ZBTB11: variants seen among roughly 807,000 people sequenced by gnomAD.
The protein encoded by ZBTB11 is zinc finger and BTB domain-containing protein 11.
A neutral mutation model predicts 113.1 loss-of-function variants in ZBTB11; 68 were observed. That is an observed-to-expected ratio of 0.60 (90% CI 0.49 to 0.74). The LOEUF is 0.74. Ranked by LOEUF, ZBTB11 falls within the 30% of genes least tolerant of loss-of-function variation. The pLI, the probability that ZBTB11 is intolerant of heterozygous loss-of-function variation, is 0.00. For synonymous variants in ZBTB11, 518 were observed against 452.6 expected, an observed-to-expected ratio of 1.14 and a Z score of -1.83; for missense variants, 1,104 against 1,279.4, an observed-to-expected ratio of 0.86 and a Z score of 2.09.
intron 5 of ZBTB11, among the ~76,000 whole-genome samples, chr3:101,660,670 T>C (rs1936872783): frequency 1.3e-5 from 2 of 152,288 alleles, no homozygotes; most frequent in Admixed American, 6.5e-5. Flanking sequence ...TTTACTCCTC[T>C]ACTCCCTACT....
chr3:101,659,801 T>C lies in ZBTB11; in HGVS notation c.2028A>G (p.Val676=), dbSNP rs372956113. The C allele has an allele frequency of 4.3e-6, 7 of 1,614,232 alleles. No homozygotes were observed. The highest frequency in any genetic ancestry group is 2.7e-5 in the African/African-American group (2 of 75,070). The change falls in exon 6 of 11, where the codon GTA becomes GTG. Residue 676 remains valine (V), a synonymous_variant. Transcript: ENST00000312938. ...LRIHMLKHTG[V]KPHACQVCGK... is the part of the protein sequence containing the mutation. ...GCTTTACCTGGCATGCATGTGGCTT[T>C]ACACCTGTGTGCTTTAACATATGTA...
chr3:101,660,912 T>C (rs1042336234), intron 5 of ZBTB11, among the ~76,000 whole-genome samples: 1 of 152,124 alleles, frequency 6.6e-6, no homozygotes, highest in Non-Finnish European at 1.5e-5. Context: ...TTAAAACCCA[T>C]CCCCTTTTTG....
intron 3 of ZBTB11, among the ~76,000 whole-genome samples, chr3:101,670,160 T>C (rs1027676512): frequency 1.3e-5 from 2 of 152,158 alleles, no homozygotes; most frequent in African/African-American, 4.8e-5. Context: ...ATAAAGCCAC[T>C]GCTAAGGAAA....
intron 10 of ZBTB11, 113 bp from the exon 11 acceptor site, chr3:101,651,796 A>C (rs1936708262): frequency 8.0e-6 from 9 of 1,122,578 alleles, no homozygotes; most frequent in Non-Finnish European, 1.1e-5. Flanking sequence ...AAGCCTTTCT[A>C]TCTGGACTGT....
At chr3:101,654,439 C>A (rs769139312) in intron 8 of ZBTB11, among the ~76,000 whole-genome samples, 3 of 152,160 alleles carry the variant, frequency 2.0e-5, no homozygotes, top group Non-Finnish European at 4.4e-5. Context: ...AAGAAACTGG[C>A]TGGCAGTGAG....
chr3:101,674,715 A>T (rs201902223), intron 1 of ZBTB11, among the ~76,000 whole-genome samples: 2,522 of 71,338 alleles, frequency 0.035, 37 homozygotes, highest in Middle Eastern at 0.067. Context: ...AATAAATAAA[A>T]TAAATAAATA....
intron 1 of ZBTB11, 174 bp downstream of exon 1, chr3:101,676,431 T>G: frequency 1.6e-5 from 10 of 613,458 alleles, no homozygotes; most frequent in East Asian, 3.5e-5. Flanking sequence ...CTCCTTCCTG[T>G]GGGAAGTGCG....
At chr3:101,662,529 C>T (rs890468910) in intron 5 of ZBTB11, among the ~76,000 whole-genome samples, 1 of 152,110 alleles carries the variant, frequency 6.6e-6, no homozygotes, top group Admixed American at 6.5e-5. Context: ...GAGGCTGAGG[C>T]AGAACTGCTT....
chr3:101,662,547 G>A (rs552543159), intron 5 of ZBTB11, among the ~76,000 whole-genome samples: 1 of 152,166 alleles, frequency 6.6e-6, no homozygotes, highest in Admixed American at 6.5e-5. Flanking sequence ...CTTCAACCCG[G>A]GAAGCAGAGA....
rs759538380 is a variant in ZBTB11 at position 101,654,704 on chromosome 3, T to C, written c.2309A>G (p.Gln770Arg). The C allele has an allele frequency of 6.2e-7, 1 of 1,612,440 alleles. No homozygotes were observed. The highest frequency in any genetic ancestry group is 1.1e-5 in the South Asian group (1 of 91,010). Residue 770 changes from glutamine (Q) to arginine (R), a missense_variant and splice_region_variant, in exon 8 of 11, where the codon CAA (glutamine) becomes CGA (arginine). Gln to Arg is a conservative substitution (Grantham distance 43, BLOSUM62 1). Transcript: ENST00000312938. The part of the protein sequence containing the change: ...KPEVRGYHCT[Q>R]CEKSFFEARD... ...AATGCCTCACATATTGAATACTTAC[T>C]GAGTACAATGATAGCCTCGAACCTC...
intron 3 of ZBTB11, among the ~76,000 whole-genome samples, chr3:101,666,661 G>C (rs928916323): frequency 6.6e-5 from 10 of 152,190 alleles, no homozygotes; most frequent in African/African-American, 2.4e-4. Flanking sequence ...AGATTACACA[G>C]TGATAATTCC....
At chr3:101,676,362 C>T (rs538470830) in intron 1 of ZBTB11, 2 of 394,882 alleles carry the variant, frequency 5.1e-6, no homozygotes, top group South Asian at 2.0e-4. Flanking sequence ...CTGGCCCGGC[C>T]TCCGGGGAAG....
At chr3:101,675,314 A>C (rs1937145886) in intron 1 of ZBTB11, among the ~76,000 whole-genome samples, 1 of 152,248 alleles carries the variant, frequency 6.6e-6, no homozygotes, top group African/African-American at 2.4e-5. Context: ...GTCTGTCCTT[A>C]CAGGAATTTA....
At chr3:101,664,866 C>T in intron 4 of ZBTB11, 98 bp downstream of exon 4, 1 of 1,510,664 alleles carries the variant, frequency 6.6e-7, no homozygotes, top group South Asian at 1.4e-5. Context: ...GTACCCATCT[C>T]ACCTCCCAAA....
At chr3:101,657,207 T>C (rs1936813988) in intron 6 of ZBTB11, among the ~76,000 whole-genome samples, 1 of 150,252 alleles carries the variant, frequency 6.7e-6, no homozygotes, top group African/African-American at 2.4e-5. Context: ...AGGACTTGGC[T>C]TCAAAATAAC....
chr3:101,666,940 G>A (rs561218706), intron 3 of ZBTB11, among the ~76,000 whole-genome samples: 2 of 152,146 alleles, frequency 1.3e-5, no homozygotes, highest in South Asian at 2.1e-4. Context: ...TAGTAGAGAC[G>A]GGGTTTCACC....
At position 101,651,319 on chromosome 3, in the gene ZBTB11, T is replaced by C; in HGVS notation, c.3009A>G (p.Glu1003=). ...AAAGTGTAGATACCGATGGATACTC[T>C]TCAGTAGCTGCAACAGCTTCCAGAG... ...MEALEAVAAT[E]EYPSVSTLSD... Residue 1003 remains glutamate, a synonymous_variant, in exon 11 of 11, where the codon GAA becomes GAG. Coordinates refer to ENST00000312938, the MANE Select transcript of ZBTB11 (RefSeq NM_014415.4). 5 of 1,614,126 alleles carry C rather than the reference T, an allele frequency of 3.1e-6. No homozygotes were observed. In the South Asian group the frequency reaches 4.4e-5, roughly 14 times the overall value.
chr3:101,656,761 T>G (rs1012387246), intron 6 of ZBTB11, among the ~76,000 whole-genome samples: 70 of 152,258 alleles, frequency 4.6e-4, no homozygotes, highest in African/African-American at 1.6e-3. Flanking sequence ...TTACTCTCTA[T>G]TTCTGTACTT....
At position 101,676,633 on chromosome 3, in the gene ZBTB11, G is replaced by A; in HGVS notation, c.282C>T (p.His94=). ...GCCACCAGTACGTCTTGGACAAGTA[G>A]TGCCAGGTCTGATGCCGGGTGTGGT... The part of the protein sequence containing the change: ...GTHHTRHQTW[H]YLSKTYWWRG... Residue 94 remains histidine (H), a synonymous_variant, in exon 1 of 11, where the codon CAC becomes CAT. Transcript: ENST00000312938. The A allele has an allele frequency of 6.5e-7, 1 of 1,546,446 alleles. No individual in the cohort carries two copies. Among genetic ancestry groups the A allele is most frequent in the Non-Finnish European group, 8.7e-7 (1 of 1,144,234 alleles).
Sources: allele counts gnomAD v4.1 joint callset (sites outside exome capture counted in the v4.1 genomes callset), GRCh38; gene constraint gnomAD v4.1.1; transcripts MANE v1.5; gene names NCBI Gene and HGNC (gene_info 2026-07-23, HGNC 2026-07-21).